Variants in UST observed in about 807,000 individuals in gnomAD.
UST encodes chondroitin sulfate 2-O-sulfotransferase.
In UST, 21 loss-of-function variants were observed where a neutral mutation model predicts 45.6. That is an observed-to-expected ratio of 0.46 (90% confidence interval 0.33 to 0.66). UST has a LOEUF of 0.66. UST is among the 30% of genes least tolerant of loss of function. UST has a pLI of 0.02. For missense variants in UST, 463 were observed against 512.4 expected (o/e 0.90, Z 0.93); for synonymous variants, 215 against 200.6 (o/e 1.07, Z -0.61).
intron 5 of UST, among the ~76,000 whole-genome samples, chr6:149,000,502 G>A (rs1037572400): frequency 2.0e-5 from 3 of 151,994 alleles, no homozygotes; most frequent in African/African-American, 4.8e-5. Context: ...GGAAGAAGAC[G>A]GAGACAGATT....
intron 1 of UST, among the ~76,000 whole-genome samples, chr6:148,753,416 T>C (rs1027375718): frequency 8.5e-5 from 13 of 152,240 alleles, no homozygotes; most frequent in Non-Finnish European, 5.9e-5. Flanking sequence ...CTTCTTTTAC[T>C]TGACATAATG....
chr6:148,997,884 A>T (rs1404742475), intron 5 of UST, among the ~76,000 whole-genome samples: 1 of 152,202 alleles, frequency 6.6e-6, no homozygotes, highest in African/African-American at 2.4e-5. Context: ...ACGAGTCCTT[A>T]ATGACCTTCT....
intron 5 of UST, among the ~76,000 whole-genome samples, chr6:148,994,172 A>G (rs938129296): frequency 6.6e-6 from 1 of 151,822 alleles, no homozygotes; most frequent in African/African-American, 2.4e-5. Context: ...AGGTTTTGCC[A>G]TGTTGGCCAA....
chr6:148,920,869 G>T (rs1291174213), intron 2 of UST, among the ~76,000 whole-genome samples: 1 of 152,150 alleles, frequency 6.6e-6, no homozygotes, highest in Non-Finnish European at 1.5e-5. Flanking sequence ...TTAAGAGATG[G>T]TGTGTTATTT....
chr6:148,817,132 C>T (rs759326300), intron 1 of UST, among the ~76,000 whole-genome samples: 4 of 152,154 alleles, frequency 2.6e-5, no homozygotes, highest in Non-Finnish European at 5.9e-5. Flanking sequence ...TTCAGAAACC[C>T]CTTTCCAGTG....
At position 148,868,195 on chromosome 6, in the gene UST, T is replaced by G. The variant is rs183357778; in HGVS notation, c.248-18791T>G. ...GACTTTATTTTTAGTAAGGATAGACTCACTCAATTGATGTTTTCTGCTGTT... is the reference window on the plus strand; with the variant it reads ...GACTTTATTTTTAGTAAGGATAGACGCACTCAATTGATGTTTTCTGCTGTT... On this transcript the variant is annotated intron_variant, in intron 1 of 7. Coordinates refer to ENST00000367463, the MANE Select transcript of UST (RefSeq NM_005715.3). Among the ~76,000 whole-genome samples the G allele has an allele frequency of 2.6e-5, 4 of 152,358 alleles. No homozygotes were observed. In the East Asian group the frequency reaches 7.7e-4, roughly 29 times the overall value.
At chr6:149,038,711 C>T (rs1399117775) in intron 7 of UST, among the ~76,000 whole-genome samples, 1 of 152,160 alleles carries the variant, frequency 6.6e-6, no homozygotes, top group Non-Finnish European at 1.5e-5. Flanking sequence ...AATCTGCCCA[C>T]GTTCAAAGCA....
chr6:148,899,466 C>T (rs1006362973), intron 2 of UST, among the ~76,000 whole-genome samples: 1 of 152,112 alleles, frequency 6.6e-6, no homozygotes, highest in African/African-American at 2.4e-5. Context: ...ATTATGCATG[C>T]TTCTATTATG....
chr6:148,807,588 C>T (rs1410820346), intron 1 of UST, among the ~76,000 whole-genome samples: 1 of 152,098 alleles, frequency 6.6e-6, no homozygotes, highest in Non-Finnish European at 1.5e-5. Flanking sequence ...AGACAGGGGG[C>T]TGGAGCAGTA....
chr6:148,807,716 G>C (rs1469595696), intron 1 of UST, among the ~76,000 whole-genome samples: 2 of 152,140 alleles, frequency 1.3e-5, no homozygotes, highest in Non-Finnish European at 2.9e-5. Context: ...AGAAGGAAAG[G>C]CTGTATTTTC....
intron 3 of UST, among the ~76,000 whole-genome samples, chr6:148,951,381 T>A (rs1276715977): frequency 6.6e-6 from 1 of 152,216 alleles, no homozygotes; most frequent in Non-Finnish European, 1.5e-5. Flanking sequence ...CATATTCCAC[T>A]GTCTTCTTCA....
chr6:148,978,099 G>A (rs1027225829), intron 5 of UST, among the ~76,000 whole-genome samples: 16 of 152,064 alleles, frequency 1.1e-4, no homozygotes, highest in Non-Finnish European at 2.2e-4. Context: ...AGTCACCTTA[G>A]TAAGTGAATT....
At chr6:148,811,064 A>G (rs1777248820) in intron 1 of UST, among the ~76,000 whole-genome samples, 1 of 152,222 alleles carries the variant, frequency 6.6e-6, no homozygotes. Context: ...CTATTGCCAC[A>G]ATAATAATAA....
intron 2 of UST, among the ~76,000 whole-genome samples, chr6:148,899,518 AAAATAATTAC>A (rs1379886653): frequency 6.6e-6 from 1 of 152,246 alleles, no homozygotes; most frequent in Non-Finnish European, 1.5e-5. Context: ...CTAGCAGGAA[AAAATAATTAC>A]CCACAATGCC....
chr6:149,041,541 C>A (rs919842580), intron 7 of UST, among the ~76,000 whole-genome samples: 2 of 152,190 alleles, frequency 1.3e-5, no homozygotes, highest in Non-Finnish European at 2.9e-5. Flanking sequence ...CAGGGTAGCC[C>A]CTGCACACCA....
intron 1 of UST, among the ~76,000 whole-genome samples, chr6:148,753,875 G>C (rs953296005): frequency 1.3e-5 from 2 of 152,034 alleles, no homozygotes; most frequent in Admixed American, 1.3e-4. Context: ...CATCTTAATG[G>C]GTATGAAGTG....
At chr6:148,879,272 G>A (rs1362952153) in intron 1 of UST, among the ~76,000 whole-genome samples, 3 of 152,106 alleles carry the variant, frequency 2.0e-5, no homozygotes, top group Admixed American at 1.3e-4. Context: ...GATCATCCAC[G>A]CTCCATCAGC....
At chr6:148,922,698 C>A (rs1779735553) in intron 2 of UST, among the ~76,000 whole-genome samples, 1 of 151,500 alleles carries the variant, frequency 6.6e-6, no homozygotes, top group Admixed American at 6.6e-5. Context: ...TGGTCTTGAT[C>A]TCCTGACCTC....
chr6:149,022,587 C>T (rs182371946), intron 7 of UST, among the ~76,000 whole-genome samples: 110 of 152,028 alleles, frequency 7.2e-4, no homozygotes, highest in African/African-American at 2.4e-3. Context: ...GCGACAAGAG[C>T]GAAACTTCAT....
Sources: gnomAD v4.1 joint callset for allele counts (sites outside exome capture counted in the v4.1 genomes callset) on GRCh38, gnomAD v4.1.1 for gene constraint, MANE v1.5 for transcripts, NCBI Gene and HGNC (gene_info 2026-07-23, HGNC 2026-07-21) for gene names.